Variants in OR9Q1 observed in about 807,000 individuals in gnomAD.
OR9Q1 encodes olfactory receptor 9Q1.
For synonymous variants in OR9Q1, 153 were observed against 148.6 expected (o/e 1.03, Z -0.22); for missense variants, 374 against 378.8 (o/e 0.99, Z 0.11).
chr11:58,028,195 G>A (rs1186550586), intron 1 of OR9Q1, among the ~76,000 whole-genome samples: 1 of 152,152 alleles, frequency 6.6e-6, no homozygotes, highest in African/African-American at 2.4e-5. Flanking sequence ...GATGTTGGGG[G>A]TACCTGCTTT....
chr11:58,143,273 C>T (rs1371408015), intron 2 of OR9Q1, among the ~76,000 whole-genome samples: 1 of 152,194 alleles, frequency 6.6e-6, no homozygotes, highest in Admixed American at 6.5e-5. Flanking sequence ...TTGTAATCCT[C>T]ATTTAACCAA....
At chr11:58,115,290 G>A (rs1313553600) in intron 2 of OR9Q1, among the ~76,000 whole-genome samples, 1 of 152,062 alleles carries the variant, frequency 6.6e-6, no homozygotes, top group Non-Finnish European at 1.5e-5. Context: ...GTTATTTATT[G>A]TGAGACTTTG....
intron 2 of OR9Q1, among the ~76,000 whole-genome samples, chr11:58,064,348 C>A (rs945497465): frequency 6.6e-5 from 10 of 152,218 alleles, no homozygotes; most frequent in African/African-American, 2.4e-4. Context: ...GGGAAGTAAC[C>A]TTTTTGAGGT....
intron 2 of OR9Q1, among the ~76,000 whole-genome samples, chr11:58,132,065 A>G (rs1391596233): frequency 2.6e-5 from 4 of 152,192 alleles, no homozygotes; most frequent in Non-Finnish European, 4.4e-5. Flanking sequence ...CTTTCTGACT[A>G]TCCCAGGAGG....
At chr11:58,038,938 G>A (rs1302274267) in intron 1 of OR9Q1, among the ~76,000 whole-genome samples, 1 of 152,036 alleles carries the variant, frequency 6.6e-6, no homozygotes, top group Non-Finnish European at 1.5e-5. Flanking sequence ...GCTGTGGAAT[G>A]CTACAGCTTT....
chr11:58,094,090 A>G (rs1411233607), intron 2 of OR9Q1, among the ~76,000 whole-genome samples: 1 of 152,200 alleles, frequency 6.6e-6, no homozygotes, highest in East Asian at 1.9e-4. Flanking sequence ...GTATATATAC[A>G]CAAAGGAATA....
intron 2 of OR9Q1, among the ~76,000 whole-genome samples, chr11:58,115,816 CA>C (rs1476940969): frequency 6.6e-6 from 1 of 152,050 alleles, no homozygotes; most frequent in African/African-American, 2.4e-5. Flanking sequence ...TCTTTAAAAA[CA>C]AATACTCAGG....
intron 2 of OR9Q1, among the ~76,000 whole-genome samples, chr11:58,115,234 C>T (rs976638482): frequency 1.3e-5 from 2 of 152,118 alleles, no homozygotes; most frequent in Admixed American, 6.6e-5. Context: ...TACGTATGCA[C>T]TGTAGAACTG....
At chr11:58,037,076 G>C (rs1853107043) in intron 1 of OR9Q1, among the ~76,000 whole-genome samples, 1 of 152,132 alleles carries the variant, frequency 6.6e-6, no homozygotes, top group South Asian at 2.1e-4. Flanking sequence ...TTGTTGTCTT[G>C]TTTTAATAAA....
chr11:58,031,476 C>G (rs751349132), intron 1 of OR9Q1: 1 of 1,614,112 alleles, frequency 6.2e-7, no homozygotes, highest in Non-Finnish European at 8.5e-7. Context: ...TTTTATGGCC[C>G]AAATGTCATT....
chr11:58,048,234 C>T (rs1332930156), intron 1 of OR9Q1, among the ~76,000 whole-genome samples: 2 of 152,084 alleles, frequency 1.3e-5, no homozygotes, highest in African/African-American at 4.8e-5. Context: ...CTTCAAGGCA[C>T]AAAGAAGTGT....
intron 2 of OR9Q1, among the ~76,000 whole-genome samples, chr11:58,133,989 G>T (rs1204150196): frequency 2.6e-5 from 4 of 152,160 alleles, no homozygotes; most frequent in African/African-American, 4.8e-5. Flanking sequence ...TGAAGCCTCA[G>T]ATTCCTGCAG....
intron 2 of OR9Q1, among the ~76,000 whole-genome samples, chr11:58,176,651 T>A (rs1324061448): frequency 6.6e-6 from 1 of 152,038 alleles, no homozygotes; most frequent in African/African-American, 2.4e-5. Flanking sequence ...GCTAGAAGGA[T>A]CTTGAGGATG....
At chr11:58,171,199 T>G (rs987010867) in intron 2 of OR9Q1, 2 of 152,218 alleles carry the variant, frequency 1.3e-5, no homozygotes, top group South Asian at 2.1e-4. Flanking sequence ...ATCACAACTC[T>G]CAAGATGTCT....
intron 2 of OR9Q1, among the ~76,000 whole-genome samples, chr11:58,080,219 A>C (rs1296093218): frequency 6.6e-6 from 1 of 152,010 alleles, no homozygotes; most frequent in Non-Finnish European, 1.5e-5. Context: ...TTTAGCTCCC[A>C]TTTATGCATG....
At chr11:58,116,819 G>A (rs1853959701) in intron 2 of OR9Q1, 1 of 152,162 alleles carries the variant, frequency 6.6e-6, no homozygotes, top group Non-Finnish European at 1.5e-5. Context: ...GTTTCCATAT[G>A]GAGAGGCAAT....
At chr11:58,085,005 T>G (rs1025340256) in intron 2 of OR9Q1, among the ~76,000 whole-genome samples, 4 of 151,748 alleles carry the variant, frequency 2.6e-5, no homozygotes, top group Admixed American at 2.6e-4. Context: ...TAAAACTATC[T>G]CTCTTCACTG....
At chr11:58,128,514 AG>A (rs2119835244) in intron 2 of OR9Q1, among the ~76,000 whole-genome samples, 1 of 152,292 alleles carries the variant, frequency 6.6e-6, no homozygotes, top group South Asian at 2.1e-4. Context: ...TACGTATTTG[AG>A]AAGTTTGAAC....
At chr11:58,088,542 T>C (rs930316897) in intron 2 of OR9Q1, among the ~76,000 whole-genome samples, 1 of 151,972 alleles carries the variant, frequency 6.6e-6, no homozygotes, top group Non-Finnish European at 1.5e-5. Context: ...TATCTCATTG[T>C]GGTTTTGATT....
Sources: gnomAD v4.1 joint callset for allele counts (sites outside exome capture counted in the v4.1 genomes callset) on GRCh38, gnomAD v4.1.1 for gene constraint, MANE v1.5 for transcripts, NCBI Gene and HGNC (gene_info 2026-07-23, HGNC 2026-07-21) for gene names.